Variants in NECAB2 observed in about 807,000 individuals in gnomAD.
NECAB2 encodes N-terminal EF-hand calcium binding protein 2, also known as N-terminal EF-hand calcium-binding protein 2.
A neutral mutation model predicts 51.9 loss-of-function variants in NECAB2; 68 were observed. That is an observed-to-expected ratio of 1.31 (90% CI 1.08 to 1.60). NECAB2 has a LOEUF of 1.60. NECAB2 is among the 40% of genes most tolerant of loss of function. NECAB2 has a pLI of 0.00. For missense variants in NECAB2, 854 were observed against 490.3 expected, an observed-to-expected ratio of 1.74 and a Z score of -7.00; for synonymous variants, 329 against 203.5, an observed-to-expected ratio of 1.62 and a Z score of -5.25.
Position 84,002,593 on chromosome 16 carries a change from C to G in NECAB2, c.*247C>G, listed in dbSNP as rs934625366. On this transcript the variant is annotated 3_prime_UTR_variant, in exon 13 of 13. Transcript: ENST00000305202. Reference sequence around the variant, plus strand: ...AGGGGGCGGCTTCCTGGAGCCAGCACCCCTGCCTCCTGGTCCTGGCCTCTC... The same window carrying G: ...AGGGGGCGGCTTCCTGGAGCCAGCAGCCCTGCCTCCTGGTCCTGGCCTCTC... The G allele has an allele frequency of 5.0e-5, 29 of 583,898 alleles. No individual in the cohort carries two copies. Among genetic ancestry groups the G allele is most frequent in the African/African-American group, 4.9e-4 (26 of 53,288 alleles). 36.2% of individuals were successfully genotyped at this position (583,898 alleles called of 1,614,324 possible).
chr16:84,000,945 G>C (rs2084818944), intron 11 of NECAB2, 144 bp downstream of exon 11: 7 of 762,146 alleles, frequency 9.2e-6, no homozygotes, highest in Non-Finnish European at 1.5e-5. Context: ...TGGCATGCTT[G>C]CGTCAGTAAA....
At chr16:84,000,934 C>T (rs977019353) in intron 11 of NECAB2, 133 bp downstream of exon 11, 46 of 846,636 alleles carry the variant, frequency 5.4e-5, no homozygotes, top group Non-Finnish European at 7.7e-5. Context: ...CATCTACCCG[C>T]TGGCATGCTT....
chr16:83,999,851 GGAAGATGC>G (rs2084786464), intron 10 of NECAB2, among the ~76,000 whole-genome samples: 2 of 151,636 alleles, frequency 1.3e-5, no homozygotes, highest in Admixed American at 6.6e-5. Flanking sequence ...GGAAGAAGAG[GGAAGATGC>G]TTTGATTTTT....
intron 3 of NECAB2, among the ~76,000 whole-genome samples, chr16:83,979,151 C>A (rs2084453421): frequency 6.6e-6 from 1 of 152,174 alleles, no homozygotes; most frequent in African/African-American, 2.4e-5. Flanking sequence ...CCCTTCCCAG[C>A]CTCACCTCCA....
intron 8 of NECAB2, among the ~76,000 whole-genome samples, chr16:83,996,737 A>G (rs1479810424): frequency 6.6e-5 from 10 of 152,110 alleles, no homozygotes; most frequent in Non-Finnish European, 1.3e-4. Context: ...GTCGTGGGCG[A>G]ACAGAGCAGA....
At chr16:83,995,332 TG>T (rs2084682260) in intron 8 of NECAB2, among the ~76,000 whole-genome samples, 1 of 152,162 alleles carries the variant, frequency 6.6e-6, no homozygotes, top group African/African-American at 2.4e-5. Flanking sequence ...TTCATAGCTG[TG>T]TGACCCTGGG....
intron 11 of NECAB2, among the ~76,000 whole-genome samples, 182 bp from the exon 12 acceptor site, chr16:84,001,643 G>A (rs189934375): frequency 1.6e-4 from 24 of 152,230 alleles, no homozygotes; most frequent in Non-Finnish European, 2.8e-4. Flanking sequence ...GAAGCTCACT[G>A]CCCACCCCAG....
chr16:83,990,570 C>G lies in NECAB2; in HGVS notation c.536C>G (p.Ser179Trp), dbSNP rs775631211. 2 of 1,614,134 alleles carry G rather than the reference C, an allele frequency of 1.2e-6. No individual in the cohort carries two copies. The change falls in exon 6 of 13, where the codon TCG becomes TGG. Residue 179 changes from serine (S) to tryptophan (W), a missense_variant. By Grantham distance (177) the Ser-to-Trp change is radical. Coordinates refer to ENST00000305202, the MANE Select transcript of NECAB2 (RefSeq NM_019065.3). ...AAGGAGACGGCCAATCAGATCCAGT[C>G]GCTGCTGAGCTCAGTGGAGAGTGCG... ...LLKETANQIQ[S>W]LLSSVESAVE...
At chr16:83,997,656 T>A (rs1040853964) in intron 9 of NECAB2, among the ~76,000 whole-genome samples, 1 of 151,472 alleles carries the variant, frequency 6.6e-6, no homozygotes, top group East Asian at 1.9e-4. Context: ...CCTGGCTAAT[T>A]TTTTTGGTAT....
chr16:84,001,247 C>G (rs1047281933), intron 11 of NECAB2, among the ~76,000 whole-genome samples: 2 of 150,594 alleles, frequency 1.3e-5, no homozygotes, highest in Non-Finnish European at 1.5e-5. Flanking sequence ...TCTGATGGGC[C>G]TTAGGCCTTT....
intron 9 of NECAB2, 119 bp downstream of exon 9, chr16:83,997,388 G>C: frequency 1.5e-6 from 2 of 1,319,472 alleles, no homozygotes; most frequent in South Asian, 2.6e-5. Context: ...ACCAGGAGGG[G>C]AGATGTCGCC....
At chr16:83,999,192 T>C (rs1415365636) in intron 10 of NECAB2, among the ~76,000 whole-genome samples, 2 of 150,846 alleles carry the variant, frequency 1.3e-5, no homozygotes, top group East Asian at 2.0e-4. Flanking sequence ...AGGGGAGGAG[T>C]AGCCTGGGCA....
intron 8 of NECAB2, among the ~76,000 whole-genome samples, chr16:83,996,813 G>C (rs1487246449): frequency 6.6e-6 from 1 of 152,156 alleles, no homozygotes; most frequent in Non-Finnish European, 1.5e-5. Flanking sequence ...GGAAGATTGT[G>C]TATTTGTAAA....
At chr16:83,979,607 T>C (rs2084458814) in intron 3 of NECAB2, among the ~76,000 whole-genome samples, 1 of 152,092 alleles carries the variant, frequency 6.6e-6, no homozygotes, top group South Asian at 2.1e-4. Flanking sequence ...TGGGGTGCTT[T>C]GAAGGGGCCA....
chr16:83,965,661 G>A (rs367921161), upstream of NECAB2: 1 of 1,613,352 alleles, frequency 6.2e-7, no homozygotes, highest in African/African-American at 1.3e-5. Context: ...AGCCTCCCCA[G>A]GCACCAGCTG....
intron 1 of NECAB2, chr16:83,971,629 C>T (rs539238958): frequency 7.0e-5 from 11 of 158,006 alleles, no homozygotes; most frequent in African/African-American, 1.2e-4. Context: ...TGTTTCTCCT[C>T]CTGCACCCCA....
chr16:83,998,353 C>T lies in NECAB2; in HGVS notation c.962+36C>T, dbSNP rs200746734. On this transcript the variant is annotated intron_variant, in intron 10 of 12. Transcript: ENST00000305202. ...TGCCGAGGCGTGGGTGGGATGGTGG[C>T]AGGGAGCTCTGCCTGGCAGTGGAGG... 6.8e-5 allele frequency: 108 copies of T among 1,595,146 alleles called. No homozygotes were observed. In the Middle Eastern group the frequency reaches 2.5e-3, roughly 37 times the overall value.
chr16:83,969,763 C>A (rs553058227), intron 1 of NECAB2, among the ~76,000 whole-genome samples: 1 of 152,282 alleles, frequency 6.6e-6, no homozygotes, highest in Non-Finnish European at 1.5e-5. Context: ...AGCGAGGGTC[C>A]TGCTGGGGTG....
rs554404665 is a variant in NECAB2, at chr16:83,983,437, C to T, written c.459+2310C>T. Among the ~76,000 whole-genome samples, 5 of 152,294 alleles carry T rather than the reference C, an allele frequency of 3.3e-5. No individual in the cohort carries two copies. In the East Asian group the frequency reaches 9.6e-4, roughly 29 times the overall value. On this transcript the variant is annotated intron_variant, in intron 5 of 12. Coordinates refer to ENST00000305202, the MANE Select transcript of NECAB2 (RefSeq NM_019065.3). ...ATTTTCGAGTGCATCTCTAGTACTT[C>T]TCTGCTGATTATCATATTAATACCA...
Sources: allele counts gnomAD v4.1 joint callset (sites outside exome capture counted in the v4.1 genomes callset), GRCh38; gene constraint gnomAD v4.1.1; transcripts MANE v1.5; gene names NCBI Gene and HGNC (gene_info 2026-07-23, HGNC 2026-07-21).